The following TMEM132D variants were observed in gnomAD, a reference collection of about 807,000 sequenced individuals.
The protein encoded by TMEM132D is transmembrane protein 132D.
A neutral mutation model predicts 62.3 loss-of-function variants in TMEM132D; 21 were observed. The observed-to-expected ratio is 0.34, with a 90% CI of 0.24 to 0.49. The LOEUF (loss-of-function observed/expected upper bound fraction) is 0.49. TMEM132D is among the 20% of genes least tolerant of loss of function. The probability of loss-of-function intolerance (pLI) is 0.99; values close to 1 mark genes in which losing one functional copy is unlikely to be tolerated. For synonymous variants in TMEM132D, 621 were observed against 575.6 expected (o/e 1.08, Z -1.13); for missense variants, 1,346 against 1,402.8 (o/e 0.96, Z 0.65).
At chr12:129,596,331 TGTTCTTCTTCTTTTCCTTGAA>T (rs1311805000) in intron 2 of TMEM132D, among the ~76,000 whole-genome samples, 5 of 152,196 alleles carry the variant, frequency 3.3e-5, no homozygotes, top group African/African-American at 9.7e-5. Context: ...GGTGAGACGA[TGTTCTTCTTCTTTTCCTTGAA>T]GTATATTGTG....
At chr12:129,466,310 T>G (rs1417957897) in intron 3 of TMEM132D, among the ~76,000 whole-genome samples, 4 of 54,466 alleles carry the variant, frequency 7.3e-5, no homozygotes, top group African/African-American at 1.8e-4. Context: ...TTTTTTTTTT[T>G]TTTTTTTTTT....
intron 3 of TMEM132D, among the ~76,000 whole-genome samples, chr12:129,430,025 T>C (rs1387611271): frequency 1.3e-5 from 2 of 152,134 alleles, no homozygotes; most frequent in African/African-American, 4.8e-5. Context: ...CTATTGTGAA[T>C]AGTGCCACTA....
intron 3 of TMEM132D, among the ~76,000 whole-genome samples, chr12:129,410,321 G>A (rs1432153204): frequency 2.0e-5 from 3 of 151,702 alleles, no homozygotes; most frequent in Non-Finnish European, 4.4e-5. Flanking sequence ...ACATACTCGA[G>A]ACTGGGTAAT....
intron 2 of TMEM132D, among the ~76,000 whole-genome samples, chr12:129,617,751 C>A (rs910019202): frequency 1.3e-5 from 2 of 152,080 alleles, no homozygotes; most frequent in African/African-American, 4.8e-5. Flanking sequence ...TGGAAGGGGG[C>A]AGCATCTCTC....
At chr12:129,516,528 C>A (rs1875687342) in intron 3 of TMEM132D, among the ~76,000 whole-genome samples, 3 of 152,156 alleles carry the variant, frequency 2.0e-5, no homozygotes, top group Admixed American at 2.0e-4. Context: ...GGGGCTTCCC[C>A]TTATAATACC....
intron 3 of TMEM132D, among the ~76,000 whole-genome samples, chr12:129,424,485 G>T (rs1215951671): frequency 2.0e-5 from 3 of 151,998 alleles, no homozygotes; most frequent in Non-Finnish European, 4.4e-5. Flanking sequence ...CAGATCATGA[G>T]GTCAGGAGAT....
intron 1 of TMEM132D, among the ~76,000 whole-genome samples, chr12:129,878,071 T>G (rs992939935): frequency 5.3e-5 from 8 of 152,218 alleles, no homozygotes; most frequent in Admixed American, 4.6e-4. Context: ...TCTCACTGTT[T>G]GCTTCAGGAA....
intron 5 of TMEM132D, among the ~76,000 whole-genome samples, chr12:129,165,478 C>G (rs1877516554): frequency 6.6e-6 from 1 of 152,142 alleles, no homozygotes; most frequent in Non-Finnish European, 1.5e-5. Flanking sequence ...AGAAATGGAT[C>G]AGTTGTTTTA....
chr12:129,687,010 T>C (rs545121423), intron 2 of TMEM132D, among the ~76,000 whole-genome samples: 1 of 152,310 alleles, frequency 6.6e-6, no homozygotes, highest in Admixed American at 6.5e-5. Context: ...GTTCCTCGGA[T>C]GTTATAGGCT....
At position 129,827,957 on chromosome 12, in the gene TMEM132D, G is replaced by A. The variant is rs1308619661; in HGVS notation, c.79+75304C>T. On this transcript the variant is annotated intron_variant, in intron 1 of 8. Transcript: ENST00000422113. This position sits in a 1 kb window ranked among gnomAD's most constrained non-coding sequence, Gnocchi z 9.7. Reference sequence around the variant, plus strand: ...TAATGTTAATAACTTGCTAAGTAATGATAAATGTATGATAATTTATTCTAA... The same window carrying A: ...TAATGTTAATAACTTGCTAAGTAATAATAAATGTATGATAATTTATTCTAA... 6.6e-6 allele frequency among the ~76,000 whole-genome samples: 1 copy of A among 152,164 alleles called. No homozygotes were observed. Among genetic ancestry groups the A allele is most frequent in the Non-Finnish European group, 1.5e-5 (1 of 68,044 alleles).
chr12:129,741,377 G>T (rs1444274271), intron 1 of TMEM132D, among the ~76,000 whole-genome samples: 1 of 152,156 alleles, frequency 6.6e-6, no homozygotes, highest in Non-Finnish European at 1.5e-5. Flanking sequence ...ATTAGTGCCT[G>T]ACACATTGTT....
intron 4 of TMEM132D, among the ~76,000 whole-genome samples, chr12:129,254,100 T>C (rs142746046): frequency 6.6e-5 from 10 of 152,270 alleles, no homozygotes; most frequent in Non-Finnish European, 1.0e-4. Context: ...CCAAGATGCC[T>C]AAATACACGT....
At chr12:129,127,165 A>G (rs963938778) in intron 5 of TMEM132D, among the ~76,000 whole-genome samples, 7 of 152,188 alleles carry the variant, frequency 4.6e-5, no homozygotes, top group Admixed American at 4.6e-4. Flanking sequence ...CTGACACTAC[A>G]TGTGCCAAAG....
chr12:129,706,315 A>G (rs955767318), intron 1 of TMEM132D, among the ~76,000 whole-genome samples: 1 of 152,004 alleles, frequency 6.6e-6, no homozygotes, highest in Non-Finnish European at 1.5e-5. Context: ...GAATAGGCAT[A>G]GATATTCTAT....
chr12:129,633,283 A>C (rs1180150546), intron 2 of TMEM132D, among the ~76,000 whole-genome samples: 2 of 152,144 alleles, frequency 1.3e-5, no homozygotes, highest in African/African-American at 4.8e-5. Context: ...GACAAATCCA[A>C]AGTTTTCAAG....
intron 3 of TMEM132D, among the ~76,000 whole-genome samples, chr12:129,446,999 C>T (rs1031657799): frequency 6.6e-6 from 1 of 152,182 alleles, no homozygotes; most frequent in South Asian, 2.1e-4. Flanking sequence ...CAATTCAAAT[C>T]TAAAACAAGC....
chr12:129,419,715 C>G (rs1872241973), intron 3 of TMEM132D, among the ~76,000 whole-genome samples: 1 of 152,098 alleles, frequency 6.6e-6, no homozygotes, highest in Non-Finnish European at 1.5e-5. Flanking sequence ...TTGAATAAGT[C>G]TATATTGTGA....
At position 129,705,659 on chromosome 12, in the gene TMEM132D, C is replaced by T. The variant is rs149587481; in HGVS notation, c.80-4961G>A. 1.8e-3 allele frequency among the ~76,000 whole-genome samples: 267 copies of T among 152,096 alleles called. 1 individual carries two copies. Among genetic ancestry groups the T allele is most frequent in the Non-Finnish European group, 2.6e-3 (178 of 67,956 alleles). On this transcript the variant is annotated intron_variant, in intron 1 of 8. Transcript: ENST00000422113. ...CACTGAAGCTTATTATCTGGGACAC[C>T]AGAAGGTTAATCAAAGTGCAGTACT...
intron 4 of TMEM132D, among the ~76,000 whole-genome samples, chr12:129,224,342 T>C (rs1334388265): frequency 6.6e-6 from 1 of 152,234 alleles, no homozygotes; most frequent in Non-Finnish European, 1.5e-5. Flanking sequence ...CTAGACCTGC[T>C]GCATAGATCA....
Sources: gnomAD v4.1 joint callset for allele counts (sites outside exome capture counted in the v4.1 genomes callset) on GRCh38, gnomAD v4.1.1 for gene constraint, Gnocchi (gnomAD v3.1) non-coding constraint, MANE v1.5 for transcripts, NCBI Gene and HGNC (gene_info 2026-07-23, HGNC 2026-07-21) for gene names.